The following PACS1 variants were observed in gnomAD, a reference collection of about 807,000 sequenced individuals.
The protein encoded by PACS1 is phosphofurin acidic cluster sorting protein 1.
PACS1 carries 24 observed loss-of-function variants against 115.0 expected under a neutral mutation model. The ratio of observed to expected loss-of-function variants is 0.21; its 90% CI spans 0.15 to 0.29. The LOEUF (loss-of-function observed/expected upper bound fraction) is 0.29, where lower values mean the gene tolerates loss of function less well. PACS1 is among the 10% of genes least tolerant of loss of function. The pLI is 1.00. For missense variants in PACS1, 838 were observed against 1,251.2 expected (o/e 0.67, Z 4.98); for synonymous variants, 453 against 504.5 (o/e 0.90, Z 1.37).
At chr11:66,119,191 C>A (rs524281) in intron 1 of PACS1, among the ~76,000 whole-genome samples, 98,618 of 152,150 alleles carry the variant, frequency 0.65, 34,233 homozygotes, top group Non-Finnish European at 0.76. Context: ...CTGTGGCCCA[C>A]GACCTGTTTT....
chr11:66,232,091 C>T (rs1402200440), intron 13 of PACS1, 81 bp from the exon 14 acceptor site: 4 of 829,536 alleles, frequency 4.8e-6, no homozygotes, highest in African/African-American at 1.7e-5. Flanking sequence ...TCCAGAGACT[C>T]CCCATGCACC....
intron 1 of PACS1, among the ~76,000 whole-genome samples, chr11:66,186,528 C>A (rs1388747561): frequency 1.3e-5 from 2 of 152,208 alleles, no homozygotes; most frequent in African/African-American, 4.8e-5. Flanking sequence ...TTCACACAAT[C>A]TGACCTACTA....
At chr11:66,230,982 TC>T in intron 13 of PACS1, 42 bp downstream of exon 13, 1 of 1,611,442 alleles carries the variant, frequency 6.2e-7, no homozygotes, top group Non-Finnish European at 8.5e-7. Context: ...CCTCTGAGAT[TC>T]CCTGAACTTC....
intron 1 of PACS1, among the ~76,000 whole-genome samples, chr11:66,181,327 C>T (rs1860007111): frequency 6.6e-6 from 1 of 151,914 alleles, no homozygotes; most frequent in Non-Finnish European, 1.5e-5. Flanking sequence ...ATTCTTCTGC[C>T]TCAGTCTCCT....
chr11:66,214,771 G>A (rs368607198), intron 4 of PACS1, among the ~76,000 whole-genome samples: 5 of 149,060 alleles, frequency 3.4e-5, no homozygotes, highest in African/African-American at 7.4e-5. Context: ...ACAGGCATGC[G>A]CCACCACACC....
At chr11:66,231,876 G>A (rs547450510) in intron 13 of PACS1, 12 of 310,856 alleles carry the variant, frequency 3.9e-5, no homozygotes, top group East Asian at 2.0e-4. Flanking sequence ...CACCCACACC[G>A]TTTCCCATCC....
rs1362719314 is a variant in PACS1, at chr11:66,070,958, G to C, written c.356+116G>C. ...CCCTCCATCTCCCCGACTGTCCCGCGGCCCGGCCTGGCTCCAGCCAGGCCT... is the reference window on the plus strand; with the variant it reads ...CCCTCCATCTCCCCGACTGTCCCGCCGCCCGGCCTGGCTCCAGCCAGGCCT... On this transcript the variant is annotated intron_variant, in intron 1 of 23. Coordinates refer to ENST00000320580, the MANE Select transcript of PACS1 (RefSeq NM_018026.4). The surrounding 1 kb of genome is among the most constrained non-coding windows in gnomAD (Gnocchi z 5.9). 1 of 1,079,650 alleles carries C rather than the reference G, an allele frequency of 9.3e-7. No homozygotes were observed. The highest frequency in any genetic ancestry group is 1.2e-6 in the Non-Finnish European group (1 of 820,262). The allele number at this position is 1,079,650 out of a possible 1,614,324, so 66.9% of individuals were successfully genotyped here.
chr11:66,079,438 T>A (rs748249263), intron 1 of PACS1, among the ~76,000 whole-genome samples: 5 of 152,046 alleles, frequency 3.3e-5, no homozygotes, highest in Non-Finnish European at 7.4e-5. Context: ...TTCCTGCCTC[T>A]TGTTTACAAA....
intron 1 of PACS1, among the ~76,000 whole-genome samples, chr11:66,133,071 G>A (rs1172512281): frequency 2.0e-5 from 3 of 152,096 alleles, no homozygotes; most frequent in Admixed American, 1.3e-4. Flanking sequence ...CAAAAACCCC[G>A]GAGTCATCTT....
chr11:66,208,562 C>T (rs1854996575), intron 2 of PACS1, among the ~76,000 whole-genome samples: 1 of 151,598 alleles, frequency 6.6e-6, no homozygotes, highest in Admixed American at 6.6e-5. Context: ...GGCCTATAAT[C>T]CTAGCACTTT....
At chr11:66,077,672 T>G in intron 1 of PACS1, among the ~76,000 whole-genome samples, 1 of 151,952 alleles carries the variant, frequency 6.6e-6, no homozygotes, top group Non-Finnish European at 1.5e-5. Context: ...GTTTATTTAA[T>G]TTTGTGCAGA....
rs1280957821 is a variant in PACS1 at position 66,070,632 on chromosome 11, A to G, written c.146A>G (p.Lys49Arg). Reference sequence around the variant, plus strand: ...CCGCCGCAGCAGCCGACGCCCCCCAAGCTGGCCCAGGCCACCTCGTCGTCC... The same window carrying G: ...CCGCCGCAGCAGCCGACGCCCCCCAGGCTGGCCCAGGCCACCTCGTCGTCC... ...QQPPQQPTPP[K>R]LAQATSSSSS... The change falls in exon 1 of 24, where the codon AAG (lysine) becomes AGG (arginine). Residue 49 changes from lysine to arginine, a missense_variant. By Grantham distance (26) the Lys-to-Arg change is conservative (BLOSUM62 2). This residue lies in a region of PACS1 where 129 missense variants were observed against 109.4 expected (regional missense o/e 1.18). Transcript: ENST00000320580. The surrounding 1 kb of genome is among the most constrained non-coding windows in gnomAD (Gnocchi z 5.9). 2.6e-6 allele frequency: 4 copies of G among 1,549,984 alleles called. No homozygotes were observed. Among genetic ancestry groups the G allele is most frequent in the South Asian group, 1.2e-5 (1 of 85,584 alleles).
chr11:66,141,602 C>T lies in PACS1; in HGVS notation c.357-51884C>T, dbSNP rs985772013. Among the ~76,000 whole-genome samples, 18 of 147,702 alleles carry T rather than the reference C, an allele frequency of 1.2e-4. No individual in the cohort carries two copies. In the East Asian group the frequency reaches 2.4e-3, roughly 20 times the overall value. On this transcript the variant is annotated intron_variant, in intron 1 of 23. Transcript: ENST00000320580. Reference sequence around the variant, plus strand: ...CCAGGAGGCGGAGGCTACAGTGAGCCGAGATCACACCACTGTACTCTAGCC... The same window carrying T: ...CCAGGAGGCGGAGGCTACAGTGAGCTGAGATCACACCACTGTACTCTAGCC...
At position 66,234,249 on chromosome 11, in the gene PACS1, G is replaced by T. The variant is rs781513921; in HGVS notation, c.2104+7G>T. The T allele has an allele frequency of 6.3e-7, 1 of 1,598,734 alleles. No individual in the cohort carries two copies. Among genetic ancestry groups the T allele is most frequent in the East Asian group, 2.2e-5 (1 of 44,816 alleles). Reference sequence around the variant, plus strand: ...TCGGAGCCACCAGTGTCAGGTAATGGCCCCGTGTAAGGAGCTTACTCCCAC... The same window carrying T: ...TCGGAGCCACCAGTGTCAGGTAATGTCCCCGTGTAAGGAGCTTACTCCCAC... On this transcript the variant is annotated splice_region_variant and intron_variant, in intron 17 of 23. Coordinates refer to ENST00000320580, the MANE Select transcript of PACS1 (RefSeq NM_018026.4).
At chr11:66,103,806 G>A (rs1857974148) in intron 1 of PACS1, among the ~76,000 whole-genome samples, 1 of 152,040 alleles carries the variant, frequency 6.6e-6, no homozygotes, top group South Asian at 2.1e-4. Flanking sequence ...GAGCCAGTGT[G>A]CCCAGCTGGA....
At chr11:66,094,392 C>T (rs1402239734) in intron 1 of PACS1, among the ~76,000 whole-genome samples, 1 of 150,988 alleles carries the variant, frequency 6.6e-6, no homozygotes, top group East Asian at 1.9e-4. Flanking sequence ...GAAATACAAA[C>T]TACCATCAGA....
intron 1 of PACS1, among the ~76,000 whole-genome samples, chr11:66,093,614 A>G (rs1857714169): frequency 6.8e-6 from 1 of 148,092 alleles, no homozygotes; most frequent in Admixed American, 6.8e-5. Context: ...TTAACACCCC[A>G]CTGTCAACAT....
rs138389489 is a variant in PACS1 at position 66,075,954 on chromosome 11, C to G, written c.356+5112C>G. 9.7e-3 allele frequency among the ~76,000 whole-genome samples: 1,470 copies of G among 152,046 alleles called. 80 individuals are homozygous for G. The East Asian group carries it at 0.17, about 18-fold the overall frequency. ...GGGTTTTACCATGTTAGCCAGGATG[C>G]TCTCGATCTCCTGACCTCGTGATCC... On this transcript the variant is annotated intron_variant, in intron 1 of 23. Coordinates refer to ENST00000320580, the MANE Select transcript of PACS1 (RefSeq NM_018026.4).
chr11:66,070,804 C>G lies in PACS1; in HGVS notation c.318C>G (p.Thr106=), dbSNP rs1348211213. Residue 106 remains threonine, a synonymous_variant, in exon 1 of 24, where the codon ACC becomes ACG. Coordinates refer to ENST00000320580, the MANE Select transcript of PACS1 (RefSeq NM_018026.4). This position sits in a 1 kb window ranked among gnomAD's most constrained non-coding sequence, Gnocchi z 5.9. ...PAPVQMNLYA[T]WEVDRSSSSC... ...CGGTGCAGATGAACCTGTACGCCAC[C>G]TGGGAGGTGGACCGGAGCTCGTCCA... is the stretch of plus-strand genomic sequence containing the variant. The G allele has an allele frequency of 1.3e-6, 2 of 1,505,260 alleles. No individual in the cohort carries two copies. Among genetic ancestry groups the G allele is most frequent in the African/African-American group, 1.5e-5 (1 of 68,928 alleles). 93.2% of individuals were successfully genotyped at this position (1,505,260 alleles called of 1,614,324 possible).
Sources: gnomAD v4.1 joint callset for allele counts (sites outside exome capture counted in the v4.1 genomes callset) on GRCh38, gnomAD v4.1.1 for gene constraint, gnomAD v4.1.1 regional missense constraint, Gnocchi (gnomAD v3.1) non-coding constraint, MANE v1.5 for transcripts, NCBI Gene and HGNC (gene_info 2026-07-23, HGNC 2026-07-21) for gene names.